LRRC42: variants seen among roughly 807,000 people sequenced by gnomAD.
LRRC42 encodes the protein leucine rich repeat containing 42.
LRRC42 carries 43 observed loss-of-function variants against 44.3 expected under a neutral mutation model. That is an observed-to-expected ratio of 0.97 (90% confidence interval 0.76 to 1.25). The LOEUF (loss-of-function observed/expected upper bound fraction) is 1.25. Among genes scored for constraint, LRRC42 ranks in the 50% most tolerant of loss-of-function variants. The pLI, the probability that LRRC42 is intolerant of heterozygous loss-of-function variation, is 0.00. For synonymous variants in LRRC42, 207 were observed against 195.2 expected, an observed-to-expected ratio of 1.06 and a Z score of -0.50; for missense variants, 540 against 509.1, an observed-to-expected ratio of 1.06 and a Z score of -0.58.
chr1:53,950,536 G>T (rs1245061888), intron 2 of LRRC42, among the ~76,000 whole-genome samples: 1 of 152,196 alleles, frequency 6.6e-6, no homozygotes, highest in Non-Finnish European at 1.5e-5. Flanking sequence ...TGCCTTCAGG[G>T]CCACATTGTG....
intron 3 of LRRC42, among the ~76,000 whole-genome samples, chr1:53,957,658 T>C (rs1225414185): frequency 6.6e-6 from 1 of 152,242 alleles, no homozygotes; most frequent in Non-Finnish European, 1.5e-5. Flanking sequence ...TAAAATGTGA[T>C]GTGCCAAATA....
intron 7 of LRRC42, among the ~76,000 whole-genome samples, chr1:53,965,938 T>G (rs1286507196): frequency 6.6e-6 from 1 of 152,212 alleles, no homozygotes; most frequent in Non-Finnish European, 1.5e-5. Context: ...CGAGAGTAAG[T>G]CTAGGAATGT....
chr1:53,960,580 T>G, intron 5 of LRRC42, 106 bp downstream of exon 5: 1 of 820,866 alleles, frequency 1.2e-6, no homozygotes, highest in Non-Finnish European at 1.9e-6. Context: ...AAAGGTGACT[T>G]TCCTCGGTGC....
At chr1:53,964,990 A>T (rs918133045) in intron 7 of LRRC42, among the ~76,000 whole-genome samples, 6 of 147,408 alleles carry the variant, frequency 4.1e-5, no homozygotes, top group Non-Finnish European at 8.9e-5. Flanking sequence ...CTGGCCTGGA[A>T]CTGTATTGTT....
Position 53,952,132 on chromosome 1 carries a change from A to G in LRRC42, c.133A>G (p.Arg45Gly). Residue 45 changes from arginine (R) to glycine (G), a missense_variant, in exon 3 of 9, where the codon AGA (arginine) becomes GGA (glycine). Transcript: ENST00000371370. ...TAGCCTGCAGAAGCCAAGGCCTTTC[A>G]GACTGTTCCCCAAAGGCTTTTCTGT... ...RSSLQKPRPF[R>G]LFPKGFSVEL... 2 of 1,614,196 alleles carry G rather than the reference A, an allele frequency of 1.2e-6. No individual in the cohort carries two copies. The highest frequency in any genetic ancestry group is 3.3e-5 in the Admixed American group (2 of 60,020).
At position 53,962,132 on chromosome 1, in the gene LRRC42, T is replaced by A; in HGVS notation, c.813+10T>A. The stretch of plus-strand genomic sequence containing the variant: ...TGGGACAGGGCTCAAGGTAAGACTT[T>A]TGGTTCCTTCTCTCATTTTTCTAGA... On this transcript the variant is annotated intron_variant, in intron 6 of 8. Transcript: ENST00000371370. 1 of 1,605,968 alleles carries A rather than the reference T, an allele frequency of 6.2e-7. No individual in the cohort carries two copies. The highest frequency in any genetic ancestry group is 8.5e-7 in the Non-Finnish European group (1 of 1,174,138).
At chr1:53,947,026 G>A (rs1034321662) in intron 1 of LRRC42, among the ~76,000 whole-genome samples, 1 of 151,918 alleles carries the variant, frequency 6.6e-6, no homozygotes, top group Non-Finnish European at 1.5e-5. Flanking sequence ...GGCAAGGAAA[G>A]GGATGGAGAG....
chr1:53,948,244 G>A (rs774763792), intron 2 of LRRC42, among the ~76,000 whole-genome samples: 47 of 152,220 alleles, frequency 3.1e-4, no homozygotes, highest in Admixed American at 1.2e-3. Flanking sequence ...CAAATTAGCC[G>A]TAGATTCAGC....
intron 2 of LRRC42, 146 bp downstream of exon 2, chr1:53,947,967 T>C (rs1321137475): frequency 6.6e-6 from 1 of 152,202 alleles, no homozygotes; most frequent in East Asian, 1.9e-4. Flanking sequence ...TGCCACTTAT[T>C]AGCTCTGTTC....
intron 7 of LRRC42, 52 bp from the exon 8 acceptor site, chr1:53,966,244 A>T: frequency 6.9e-7 from 1 of 1,445,824 alleles, no homozygotes; most frequent in Non-Finnish European, 9.7e-7. Flanking sequence ...AAGGCTTGAG[A>T]TTAAAATCTC....
At chr1:53,953,464 A>G (rs1654749051) in intron 3 of LRRC42, among the ~76,000 whole-genome samples, 1 of 152,062 alleles carries the variant, frequency 6.6e-6, no homozygotes, top group Admixed American at 6.6e-5. Flanking sequence ...TGGTTCAAGC[A>G]ATTCGCCTGC....
chr1:53,966,364 A>T lies in LRRC42; in HGVS notation c.996A>T (p.Ala332=). 6.2e-7 allele frequency: 1 copy of T among 1,613,564 alleles called. No individual in the cohort carries two copies. The highest frequency in any genetic ancestry group is 8.5e-7 in the Non-Finnish European group (1 of 1,179,440). ...CACGGGAGACCTCGGAGCCTAGAGCAGCAGCTCAGCGCTTCTGTGAGAAAT... is the reference window on the plus strand; with the variant it reads ...CACGGGAGACCTCGGAGCCTAGAGCTGCAGCTCAGCGCTTCTGTGAGAAAT... ...VKPRETSEPR[A]AAQRFYGKRS... Residue 332 remains alanine (A), a synonymous_variant, in exon 8 of 9, where the codon GCA becomes GCT. Coordinates refer to ENST00000371370, the MANE Select transcript of LRRC42 (RefSeq NM_001256409.2).
rs546013361 is a variant in LRRC42, at chr1:53,963,419, A to G, written c.927+1010A>G. Among the ~76,000 whole-genome samples the G allele has an allele frequency of 2.0e-5, 3 of 152,346 alleles. No homozygotes were observed. The South Asian group carries it at 6.2e-4, about 32-fold the overall frequency. On this transcript the variant is annotated intron_variant, in intron 7 of 8. Coordinates refer to ENST00000371370, the MANE Select transcript of LRRC42 (RefSeq NM_001256409.2). Reference sequence around the variant, plus strand: ...TAGCAGGTGACATGGTGGAAAGAGCATAGGCTGTGGAGTCAGAAAGACCTG... The same window carrying G: ...TAGCAGGTGACATGGTGGAAAGAGCGTAGGCTGTGGAGTCAGAAAGACCTG...
chr1:53,947,204 A>G (rs1654519616), intron 1 of LRRC42, among the ~76,000 whole-genome samples: 1 of 151,964 alleles, frequency 6.6e-6, no homozygotes, highest in East Asian at 1.9e-4. Context: ...GCCACCTTTC[A>G]CCAGGGGCTC....
At chr1:53,964,255 C>T (rs896480704) in intron 7 of LRRC42, among the ~76,000 whole-genome samples, 18 of 152,210 alleles carry the variant, frequency 1.2e-4, no homozygotes, top group Non-Finnish European at 2.5e-4. Flanking sequence ...CCTGGCTCTC[C>T]CCCAACTTTC....
At chr1:53,964,327 C>T (rs1655071633) in intron 7 of LRRC42, among the ~76,000 whole-genome samples, 1 of 152,146 alleles carries the variant, frequency 6.6e-6, no homozygotes, top group Non-Finnish European at 1.5e-5. Flanking sequence ...CATCTCCACA[C>T]TCCCCAGGTG....
intron 2 of LRRC42, among the ~76,000 whole-genome samples, 164 bp from the exon 3 acceptor site, chr1:53,951,822 C>G (rs1449601944): frequency 6.6e-6 from 1 of 152,158 alleles, no homozygotes; most frequent in African/African-American, 2.4e-5. Flanking sequence ...ATAGAGGCAA[C>G]CTTGAATGCC....
chr1:53,957,012 C>T (rs1424920534), intron 3 of LRRC42, among the ~76,000 whole-genome samples: 2 of 152,160 alleles, frequency 1.3e-5, no homozygotes, highest in Non-Finnish European at 2.9e-5. Context: ...CCTTAGGTTC[C>T]ACCCTTTAAG....
At chr1:53,947,436 G>A (rs1470908392) in intron 1 of LRRC42, among the ~76,000 whole-genome samples, 2 of 152,146 alleles carry the variant, frequency 1.3e-5, no homozygotes, top group African/African-American at 4.8e-5. Context: ...AGTGAGGAAA[G>A]TTGAAAATTG....
Sources: gnomAD v4.1 joint callset for allele counts (sites outside exome capture counted in the v4.1 genomes callset) on GRCh38, gnomAD v4.1.1 for gene constraint, MANE v1.5 for transcripts, NCBI Gene and HGNC (gene_info 2026-07-23, HGNC 2026-07-21) for gene names.